The following PLIN4 variants were observed in gnomAD, a reference collection of about 807,000 sequenced individuals.
PLIN4 encodes the protein perilipin-4.
In PLIN4, 57 loss-of-function variants were observed where a neutral mutation model predicts 52.4. That is an observed-to-expected ratio of 1.09 (90% CI 0.88 to 1.36). The LOEUF (loss-of-function observed/expected upper bound fraction) is 1.36, where lower values mean the gene tolerates loss of function less well. Among genes scored for constraint, PLIN4 ranks in the 40% most tolerant of loss-of-function variants. PLIN4 has a pLI of 0.00. For missense variants in PLIN4, 1,757 were observed against 1,770.3 expected, an observed-to-expected ratio of 0.99 and a Z score of 0.13; for synonymous variants, 826 against 785.4, an observed-to-expected ratio of 1.05 and a Z score of -0.86.
chr19:4,513,226 G>A lies in PLIN4; in HGVS notation c.734C>T (p.Ala245Val), dbSNP rs954644080. Reference protein sequence around the residue: ...KDAVSTGLTGAVNVARGSIQT... With the variant: ...KDAVSTGLTGVVNVARGSIQT... ...AATGCTTCCTCTGGCCACATTCACT[G>A]CCCCTGTGAGCCCAGTGGACACAGC... The change falls in exon 5 of 8, where the codon GCA (alanine) becomes GTA (valine). Residue 245 changes from alanine to valine, a missense_variant. Around this residue, in one of 7 missense-constraint regions of PLIN4, gnomAD observed 99 missense variants for 143.4 expected, o/e 0.69. Coordinates refer to ENST00000301286, the MANE Select transcript of PLIN4 (RefSeq NM_001367868.2). The A allele has an allele frequency of 6.2e-7, 1 of 1,613,796 alleles. No homozygotes were observed. Among genetic ancestry groups the A allele is most frequent in the Non-Finnish European group, 8.5e-7 (1 of 1,179,908 alleles).
rs755742878 is a variant in PLIN4, at chr19:4,513,169, A to G, written c.791T>C (p.Leu264Pro). ...ACAGACGGTGTCCTTGGTACCTGTTAGGACAGTCTTACTGGTGTCCACACC... is the reference window on the plus strand; with the variant it reads ...ACAGACGGTGTCCTTGGTACCTGTTGGGACAGTCTTACTGGTGTCCACACC... ...QTGVDTSKTV[L>P]TGTKDTVCSG... Residue 264 changes from leucine (L) to proline (P), a missense_variant, in exon 5 of 8, where the codon CTA (leucine) becomes CCA (proline). Coordinates refer to ENST00000301286, the MANE Select transcript of PLIN4 (RefSeq NM_001367868.2). 6 of 1,612,860 alleles carry G rather than the reference A, an allele frequency of 3.7e-6. No homozygotes were observed. The South Asian group carries it at 6.6e-5, about 18-fold the overall frequency.
intron 6 of PLIN4, 52 bp downstream of exon 6, chr19:4,508,716 G>A: frequency 6.6e-7 from 1 of 1,511,790 alleles, no homozygotes; most frequent in African/African-American, 1.4e-5. Flanking sequence ...TCCTGGGCAG[G>A]GGTTCTAAGA....
At position 4,502,306 on chromosome 19, in the gene PLIN4, G is replaced by T. The variant is rs999541252; in HGVS notation, c.*2153C>A. The stretch of plus-strand genomic sequence containing the variant: ...GTGTCACTGGGCCCGTTTGGGACTG[G>T]GTTGAGCCATCAGGCCACCGTGAGA... On this transcript the variant is annotated 3_prime_UTR_variant, in exon 8 of 8. Transcript: ENST00000301286. 52 of 473,176 alleles carry T rather than the reference G, an allele frequency of 1.1e-4. 1 individual carries two copies. In the Admixed American group the frequency reaches 1.4e-3, roughly 13 times the overall value. The allele number at this position is 473,176 out of a possible 1,614,324, so 29.3% of individuals were successfully genotyped here.
In PLIN4 at chr19:4,504,551, G is replaced by A. The variant is rs767552038; in HGVS notation, c.4024C>T (p.Gln1342Ter). The change falls in exon 8 of 8, where the codon CAG becomes TAG. Residue 1342 changes from glutamine (Q) to a stop codon, truncating the protein, a stop_gained. Transcript: ENST00000301286. LOFTEE classifies it low-confidence loss of function (END_TRUNC). ...QSREGVHQAW[Q>*]GLEQLLEGLQ... ...CCCTCCAGCAGCTGCTCTAACCCCT[G>A]CCAAGCCTGGTGCACACCCTCGCGG... The A allele has an allele frequency of 1.9e-6, 3 of 1,605,732 alleles. No individual in the cohort carries two copies. Among genetic ancestry groups the A allele is most frequent in the East Asian group, 4.5e-5 (2 of 44,636 alleles).
At chr19:4,507,268 A>T (rs1976123346) in intron 6 of PLIN4, among the ~76,000 whole-genome samples, 1 of 152,222 alleles carries the variant, frequency 6.6e-6, no homozygotes, top group African/African-American at 2.4e-5. Flanking sequence ...ACTGCTGTCC[A>T]CCAACATGTA....
chr19:4,518,352 C>A (rs1013159170), intron 1 of PLIN4, 33 bp downstream of exon 1: 7 of 1,231,688 alleles, frequency 5.7e-6, no homozygotes, highest in Non-Finnish European at 7.1e-6. Context: ...CACACCCACT[C>A]CCCACTGAAA....
At position 4,514,613 on chromosome 19, in the gene PLIN4, G is replaced by C. The variant is rs371735268; in HGVS notation, c.259-912C>G. Among the ~76,000 whole-genome samples the C allele has an allele frequency of 2.8e-4, 43 of 151,954 alleles. No homozygotes were observed. In the East Asian group the frequency reaches 7.5e-3, roughly 27 times the overall value. On this transcript the variant is annotated intron_variant, in intron 4 of 7. Coordinates refer to ENST00000301286, the MANE Select transcript of PLIN4 (RefSeq NM_001367868.2). ...GTGGTGGTGGGCGCCTGTAGTCCCAGCTACTCGGGAGGCTGAGGCAGGAGA... is the reference window on the plus strand; with the variant it reads ...GTGGTGGTGGGCGCCTGTAGTCCCACCTACTCGGGAGGCTGAGGCAGGAGA...
At position 4,510,808 on chromosome 19, in the gene PLIN4, G is replaced by T; in HGVS notation, c.3152C>A (p.Thr1051Asn). 6.2e-7 allele frequency: 1 copy of T among 1,608,352 alleles called. No individual in the cohort carries two copies. Among genetic ancestry groups the T allele is most frequent in the Non-Finnish European group, 8.5e-7 (1 of 1,175,992 alleles). Residue 1051 changes from threonine to asparagine, a missense_variant, in exon 5 of 8, where the codon ACC becomes AAC. Physicochemically the swap from Thr to Asn is moderately conservative, Grantham distance 65 (BLOSUM62 0). This residue lies in a region of PLIN4 where 712 missense variants were observed against 637.1 expected (regional missense o/e 1.12). Transcript: ENST00000301286. ...ATGATHTGLSTFQNWLPSTPA... is the reference protein window; with the variant it reads ...ATGATHTGLSNFQNWLPSTPA... The stretch of plus-strand genomic sequence containing the variant: ...GGTACTAGGTAACCAGTTCTGGAAG[G>T]TGCTGAGGCCAGTGTGGGTGGCCCC...
In PLIN4 at chr19:4,512,368, G is replaced by T. The variant is rs765802000; in HGVS notation, c.1592C>A (p.Thr531Asn). 6 of 1,608,714 alleles carry T rather than the reference G, an allele frequency of 3.7e-6. No individual in the cohort carries two copies. In the Admixed American group the frequency reaches 8.4e-5, roughly 22 times the overall value. The change falls in exon 5 of 8, where the codon ACC becomes AAC. Residue 531 changes from threonine to asparagine, a missense_variant. Coordinates refer to ENST00000301286, the MANE Select transcript of PLIN4 (RefSeq NM_001367868.2). Reference sequence around the variant, plus strand: ...CACCCCACTGCAGACGGTGTCCTTGGTGCCGGTTAGGACAGTCTTGGTGGT... The same window carrying T: ...CACCCCACTGCAGACGGTGTCCTTGTTGCCGGTTAGGACAGTCTTGGTGGT... Reference protein sequence around the residue: ...VDTTKTVLTGTKDTVCSGVTS... With the variant: ...VDTTKTVLTGNKDTVCSGVTS...
Position 4,510,563 on chromosome 19 carries a change from C to A in PLIN4, c.3397G>T (p.Asp1133Tyr). The A allele has an allele frequency of 6.7e-7, 1 of 1,500,280 alleles. No individual in the cohort carries two copies. The highest frequency in any genetic ancestry group is 8.9e-7 in the Non-Finnish European group (1 of 1,125,088). The allele number at this position is 1,500,280 out of a possible 1,614,324, so 92.9% of individuals were successfully genotyped here. ...FTQGAAPGRE[D>Y]TGLLATTHGP... The stretch of plus-strand genomic sequence containing the variant: ...TGTGTGGTGGCCAAAAGCCCCGTGT[C>A]CTCCCTGCCTGGGGCGGCCCCTTGG... Residue 1133 changes from aspartate to tyrosine, a missense_variant, in exon 5 of 8, where the codon GAC (aspartate) becomes TAC (tyrosine). Around this residue, in one of 7 missense-constraint regions of PLIN4, gnomAD observed 712 missense variants for 637.1 expected, o/e 1.12. Transcript: ENST00000301286.
chr19:4,507,866 G>A (rs1010984511), intron 6 of PLIN4, among the ~76,000 whole-genome samples: 7 of 152,058 alleles, frequency 4.6e-5, no homozygotes, highest in Admixed American at 2.0e-4. Context: ...AGCACGATCC[G>A]GCCCCAACGT....
Position 4,510,920 on chromosome 19 carries a change from C to T in PLIN4, c.3040G>A (p.Gly1014Arg), listed in dbSNP as rs867282768. The change falls in exon 5 of 8, where the codon GGG (glycine) becomes AGG (arginine). Residue 1014 changes from glycine to arginine, a missense_variant. Physicochemically the swap from Gly to Arg is moderately radical, Grantham distance 125. Coordinates refer to ENST00000301286, the MANE Select transcript of PLIN4 (RefSeq NM_001367868.2). ...ACTGTCTTGGTGGTGTCCAGGCCCC[C>T]CTGGACGGCCCCTTTGGCCATGCTC... The part of the protein sequence containing the change: ...AMSMAKGAVQ[G>R]GLDTTKTVLT... 2 of 1,613,570 alleles carry T rather than the reference C, an allele frequency of 1.2e-6. No homozygotes were observed. The highest frequency in any genetic ancestry group is 1.1e-5 in the South Asian group (1 of 91,082).
Position 4,503,053 on chromosome 19 carries a change from C to T in PLIN4, c.*1406G>A, listed in dbSNP as rs868071456. The T allele has an allele frequency of 2.0e-5, 3 of 152,228 alleles. 1 individual carries two copies. Among genetic ancestry groups the T allele is most frequent in the Admixed American group, 2.0e-4 (3 of 15,268 alleles). 9.4% of individuals were successfully genotyped at this position (152,228 alleles called of 1,614,324 possible). ...AGAAGGCTTGGGAAGGCTCCTGACC[C>T]GTCCCCTCTCACGGCCCGTCACCTG... On this transcript the variant is annotated 3_prime_UTR_variant, in exon 8 of 8. Coordinates refer to ENST00000301286, the MANE Select transcript of PLIN4 (RefSeq NM_001367868.2).
intron 4 of PLIN4, among the ~76,000 whole-genome samples, chr19:4,515,841 C>G: frequency 6.6e-6 from 1 of 152,220 alleles, no homozygotes; most frequent in East Asian, 1.9e-4. Context: ...CAGGTGGGCA[C>G]CTTGGGCCCT....
Position 4,502,565 on chromosome 19 carries a change from A to G in PLIN4, c.*1894T>C. ...GATGTGGGGAGGACGAGGGTCCGCG[A>G]GGCTAGGCTGGGAGGGTGGAGACCA... On this transcript the variant is annotated 3_prime_UTR_variant, in exon 8 of 8. Coordinates refer to ENST00000301286, the MANE Select transcript of PLIN4 (RefSeq NM_001367868.2). The G allele has an allele frequency of 8.6e-6, 2 of 231,420 alleles. No homozygotes were observed. The highest frequency in any genetic ancestry group is 9.7e-5 in the South Asian group (2 of 20,608). 14.3% of individuals were successfully genotyped at this position (231,420 alleles called of 1,614,324 possible). A position where few individuals can be genotyped will look rare whatever the true frequency, so the allele number is the denominator to read the frequency against.
At position 4,512,242 on chromosome 19, in the gene PLIN4, G is replaced by T; in HGVS notation, c.1718C>A (p.Thr573Lys). Residue 573 changes from threonine to lysine, a missense_variant, in exon 5 of 8, where the codon ACG becomes AAG. Thr to Lys is a moderately conservative substitution (Grantham distance 78). Around this residue, in one of 7 missense-constraint regions of PLIN4, gnomAD observed 439 missense variants for 406.4 expected, o/e 1.08. Transcript: ENST00000301286. The stretch of plus-strand genomic sequence containing the variant: ...CCCCTTGGCCACATTCGCTGCCCCC[G>T]TGAGCCCAGTGGACATCGTGTCTTT... ...GTKDTMSTGL[T>K]GAANVAKGAV... 6.2e-7 allele frequency: 1 copy of T among 1,612,700 alleles called. No individual in the cohort carries two copies. The highest frequency in any genetic ancestry group is 1.1e-5 in the South Asian group (1 of 91,028).
Position 4,511,258 on chromosome 19 carries a change from C to A in PLIN4, c.2702G>T (p.Gly901Val), listed in dbSNP as rs372232842. Residue 901 changes from glycine to valine, a missense_variant, in exon 5 of 8, where the codon GGG (glycine) becomes GTG (valine). Around this residue, in one of 7 missense-constraint regions of PLIN4, gnomAD observed 712 missense variants for 637.1 expected, o/e 1.12. Coordinates refer to ENST00000301286, the MANE Select transcript of PLIN4 (RefSeq NM_001367868.2). ...LTGTKDAVST[G>V]LTGAVNLAKG... ...GGCCAAGTTCACAGCCCCTGTGAGC[C>A]CAGTGGACACGGCATCTTTAGTGCC... is the stretch of plus-strand genomic sequence containing the variant. The A allele has an allele frequency of 2.3e-5, 37 of 1,610,634 alleles. No homozygotes were observed. Among genetic ancestry groups the A allele is most frequent in the Non-Finnish European group, 3.1e-5 (36 of 1,178,074 alleles).
chr19:4,504,465 C>T lies in PLIN4; in HGVS notation c.4110G>A (p.Gly1370=), dbSNP rs1169935283. 1 of 1,571,590 alleles carries T rather than the reference C, an allele frequency of 6.4e-7. No individual in the cohort carries two copies. The highest frequency in any genetic ancestry group is 8.6e-7 in the Non-Finnish European group (1 of 1,156,802). The stretch of plus-strand genomic sequence containing the variant: ...GGCCTGCAGGCTCCTACAGCTACTG[C>T]CCGCCAGCGGGCAAGGCGAAGGGCC... ...LVGPFALPAG[G]Q The change falls in exon 8 of 8, where the codon GGG becomes GGA. Residue 1370 remains glycine (G), a synonymous_variant. Coordinates refer to ENST00000301286, the MANE Select transcript of PLIN4 (RefSeq NM_001367868.2).
intron 6 of PLIN4, 42 bp from the exon 7 acceptor site, chr19:4,504,989 A>T (rs368668029): frequency 8.4e-6 from 13 of 1,544,200 alleles, no homozygotes; most frequent in Non-Finnish European, 1.1e-5. Context: ...CTTCTTGGCA[A>T]ATGACCTTTC....
Sources: allele counts gnomAD v4.1 joint callset (sites outside exome capture counted in the v4.1 genomes callset), GRCh38; gene constraint gnomAD v4.1.1; regional missense constraint gnomAD v4.1.1; transcripts MANE v1.5; gene names NCBI Gene and HGNC (gene_info 2026-07-23, HGNC 2026-07-21).